The following DSE variants were observed in gnomAD, a reference collection of about 807,000 sequenced individuals.
DSE encodes the protein dermatan-sulfate epimerase.
In DSE, 36 loss-of-function variants were observed where a neutral mutation model predicts 84.4. The observed-to-expected ratio is 0.43, with a 90% CI of 0.33 to 0.56. The LOEUF (loss-of-function observed/expected upper bound fraction) is 0.56, where lower values mean the gene tolerates loss of function less well. Ranked by LOEUF, DSE falls within the 20% of genes least tolerant of loss-of-function variation. DSE has a pLI of 0.06. For synonymous variants in DSE, 410 were observed against 430.1 expected, an observed-to-expected ratio of 0.95 and a Z score of 0.58; for missense variants, 862 against 1,169.6, an observed-to-expected ratio of 0.74 and a Z score of 3.84.
Position 116,377,176 on chromosome 6 carries a change from G to C in DSE, c.-54+6055G>C, listed in dbSNP as rs1779977043. Among the ~76,000 whole-genome samples, 3 of 152,252 alleles carry C rather than the reference G, an allele frequency of 2.0e-5. No homozygotes were observed. In the South Asian group the frequency reaches 6.2e-4, roughly 32 times the overall value. ...TTTTAAAGTTGTGTTTGTTGCTTAA[G>C]TCAGGGCTTTGCATTTTTTATCATG... is the stretch of plus-strand genomic sequence containing the variant. On this transcript the variant is annotated intron_variant, in intron 1 of 5. Coordinates refer to ENST00000644252, the MANE Select transcript of DSE (RefSeq NM_013352.4).
At chr6:116,369,775 G>C (rs145744877), upstream of DSE, 306 of 505,682 alleles carry the variant, frequency 6.1e-4, 1 homozygote, top group African/African-American at 3.8e-3. Flanking sequence ...TTCTGAAAAA[G>C]AGAAGCATAA....
chr6:116,414,101 A>G (rs577775209), intron 2 of DSE, among the ~76,000 whole-genome samples: 2 of 152,318 alleles, frequency 1.3e-5, no homozygotes, highest in South Asian at 4.1e-4. Context: ...ATTTGTTGCT[A>G]GGGCTGCTGT....
intron 2 of DSE, among the ~76,000 whole-genome samples, chr6:116,348,826 G>C (rs930034976): frequency 3.9e-5 from 6 of 152,144 alleles, no homozygotes; most frequent in African/African-American, 1.4e-4. Flanking sequence ...TCCTTTGTAG[G>C]GACATGGATG....
chr6:116,328,945 T>C (rs1422773638), intron 2 of DSE, among the ~76,000 whole-genome samples: 6 of 152,210 alleles, frequency 3.9e-5, no homozygotes, highest in East Asian at 1.9e-4. Context: ...AAAATAATAA[T>C]AAAAGCCAGT....
rs536751840 is a variant in DSE at position 116,340,476 on chromosome 6, A to T, written c.-53-58722A>T. On this transcript the variant is annotated intron_variant, in intron 2 of 3. Coordinates refer to the DSE transcript ENST00000430252. Reference sequence around the variant, plus strand: ...CCTGAGAGTTTCTGTTTATTGATTCATTGCTGTCATTTTTTTTATTATTAT... The same window carrying T: ...CCTGAGAGTTTCTGTTTATTGATTCTTTGCTGTCATTTTTTTTATTATTAT... 1.1e-4 allele frequency among the ~76,000 whole-genome samples: 16 copies of T among 151,914 alleles called. No homozygotes were observed. The South Asian group carries it at 3.3e-3, about 32-fold the overall frequency.
intron 1 of DSE, among the ~76,000 whole-genome samples, chr6:116,381,745 T>TA (rs1041932508): frequency 1.3e-5 from 2 of 152,032 alleles, no homozygotes; most frequent in East Asian, 3.9e-4. Flanking sequence ...CTGTAAGAAT[T>TA]ACAATGTTTA....
intron 1 of DSE, among the ~76,000 whole-genome samples, chr6:116,396,950 C>T (rs1781288322): frequency 6.6e-6 from 1 of 152,072 alleles, no homozygotes. Context: ...TGTATTAATG[C>T]CTTCTTACCC....
chr6:116,376,586 T>C (rs1779945474), intron 1 of DSE, among the ~76,000 whole-genome samples: 1 of 152,262 alleles, frequency 6.6e-6, no homozygotes, highest in Admixed American at 6.5e-5. Flanking sequence ...GTGTACTGAT[T>C]ACCACTGGAT....
At chr6:116,274,423 C>T (rs991876898) in intron 2 of DSE, among the ~76,000 whole-genome samples, 1 of 151,774 alleles carries the variant, frequency 6.6e-6, no homozygotes, top group Admixed American at 6.6e-5. Flanking sequence ...ATTAGCCGGG[C>T]GTGGTGGCGC....
At chr6:116,307,388 A>G (rs554982092) in intron 2 of DSE, among the ~76,000 whole-genome samples, 1 of 152,326 alleles carries the variant, frequency 6.6e-6, no homozygotes, top group Admixed American at 6.5e-5. Context: ...GCCTGTTCCT[A>G]TGTCTTCAGT....
At chr6:116,430,159 A>G (rs1050249331) in intron 3 of DSE, among the ~76,000 whole-genome samples, 2 of 152,054 alleles carry the variant, frequency 1.3e-5, no homozygotes, top group Non-Finnish European at 2.9e-5. Context: ...TTCCTAGTTG[A>G]TTTTTCATTA....
intron 1 of DSE, 129 bp from the exon 2 acceptor site, chr6:116,399,069 G>T: frequency 4.0e-6 from 3 of 758,792 alleles, no homozygotes; most frequent in Non-Finnish European, 6.1e-6. Flanking sequence ...AAATTTTTTT[G>T]TTGTATTTTT....
intron 3 of DSE, among the ~76,000 whole-genome samples, chr6:116,429,463 T>G (rs1783669320): frequency 1.3e-5 from 2 of 152,162 alleles, no homozygotes; most frequent in Non-Finnish European, 2.9e-5. Flanking sequence ...TTCTCAAGGG[T>G]TGCGTGTTTT....
At chr6:116,313,255 G>A (rs1319255727) in intron 2 of DSE, among the ~76,000 whole-genome samples, 1 of 152,198 alleles carries the variant, frequency 6.6e-6, no homozygotes, top group Non-Finnish European at 1.5e-5. Context: ...GCATGGCCCT[G>A]CCAATACCTT....
intron 2 of DSE, among the ~76,000 whole-genome samples, chr6:116,331,541 T>C (rs1389462016): frequency 6.6e-6 from 1 of 152,132 alleles, no homozygotes; most frequent in Non-Finnish European, 1.5e-5. Context: ...GGATTACAAT[T>C]CGGATTACAA....
At chr6:116,258,943 G>A (rs1005103576) in exon 2 of DSE, 1 of 1,530,746 alleles carries the variant, frequency 6.5e-7, no homozygotes, top group African/African-American at 1.4e-5. Flanking sequence ...GAAGCATTTG[G>A]CGGCATACCA....
At chr6:116,304,833 T>C (rs1775248642) in intron 2 of DSE, among the ~76,000 whole-genome samples, 1 of 152,224 alleles carries the variant, frequency 6.6e-6, no homozygotes, top group African/African-American at 2.4e-5. Context: ...CTTAGGCTAC[T>C]GTGAGATGGT....
At position 116,441,622 on chromosome 6, in the gene DSE, G is replaced by A. The variant is rs558974623; in HGVS notation, c.*4277G>A. On this transcript the variant is annotated 3_prime_UTR_variant, in exon 6 of 6. Coordinates refer to ENST00000644252, the MANE Select transcript of DSE (RefSeq NM_013352.4). ...AGGGTAAGGAGACTGGGAAGAGGAG[G>A]CCATAATTTTAAATGTGGTGATCAG... 19 of 152,278 alleles carry A rather than the reference G, an allele frequency of 1.2e-4. No individual in the cohort carries two copies. The highest frequency in any genetic ancestry group is 1.2e-3 in the Admixed American group (18 of 15,278). 9.4% of individuals were successfully genotyped at this position (152,278 alleles called of 1,614,324 possible). A position where few individuals can be genotyped will look rare whatever the true frequency, so the allele number is the denominator to read the frequency against.
At chr6:116,432,705 C>T (rs1017792180) in intron 4 of DSE, 1 of 150,966 alleles carries the variant, frequency 6.6e-6, no homozygotes. Context: ...TTCATGAACA[C>T]GTGGAGCATA....
Sources: allele counts gnomAD v4.1 joint callset (sites outside exome capture counted in the v4.1 genomes callset), GRCh38; gene constraint gnomAD v4.1.1; transcripts MANE v1.5; gene names NCBI Gene and HGNC (gene_info 2026-07-23, HGNC 2026-07-21).